ZNF333: variants seen among roughly 807,000 people sequenced by gnomAD.
ZNF333 encodes the protein zinc finger protein 333.
Under a neutral mutation model 76.1 loss-of-function variants are expected in ZNF333, and 61 were observed. That is an observed-to-expected ratio of 0.80 (90% confidence interval 0.65 to 0.99). The LOEUF (loss-of-function observed/expected upper bound fraction) is 0.99. Ranked by LOEUF, ZNF333 falls within the 50% of genes least tolerant of loss-of-function variation. ZNF333 has a pLI of 0.00. For synonymous variants in ZNF333, 284 were observed against 305.0 expected (o/e 0.93, Z 0.72); for missense variants, 717 against 822.4 (o/e 0.87, Z 1.57).
intron 4 of ZNF333, among the ~76,000 whole-genome samples, chr19:14,696,246 C>T (rs1973177425): frequency 6.6e-6 from 1 of 152,138 alleles, no homozygotes; most frequent in Non-Finnish European, 1.5e-5. Flanking sequence ...GTGTGCAGTT[C>T]AGTGGTTCAC....
At chr19:14,710,785 T>TA (rs1283539320) in intron 7 of ZNF333, among the ~76,000 whole-genome samples, 4 of 151,824 alleles carry the variant, frequency 2.6e-5, no homozygotes, top group Non-Finnish European at 2.9e-5. Context: ...TCTTAAAAAA[T>TA]AAAAAAATAA....
chr19:14,718,908 A>G lies in ZNF333; in HGVS notation c.1581A>G (p.Ile527Met), dbSNP rs2042519938. The change falls in exon 12 of 12, where the codon ATA becomes ATG. Residue 527 changes from isoleucine (I) to methionine (M), a missense_variant. Coordinates refer to ENST00000292530, the MANE Select transcript of ZNF333 (RefSeq NM_032433.4). ...TSTHLNVHKR[I>M]HTGEKLYECA... ...CTCATCTGAACGTGCACAAGAGGATACACACAGGGGAGAAACTGTATGAGT... is the reference window on the plus strand; with the variant it reads ...CTCATCTGAACGTGCACAAGAGGATGCACACAGGGGAGAAACTGTATGAGT... 1 of 1,614,094 alleles carries G rather than the reference A, an allele frequency of 6.2e-7. No homozygotes were observed. Among genetic ancestry groups the G allele is most frequent in the East Asian group, 2.2e-5 (1 of 44,886 alleles).
chr19:14,730,320 G>T (rs542587178), intron 11 of ZNF333, among the ~76,000 whole-genome samples: 1 of 152,108 alleles, frequency 6.6e-6, no homozygotes, highest in Non-Finnish European at 1.5e-5. Context: ...CTCCCAAAGT[G>T]CTGGGATTAC....
At chr19:14,713,350 C>T (rs1308566803) in intron 7 of ZNF333, among the ~76,000 whole-genome samples, 3 of 152,170 alleles carry the variant, frequency 2.0e-5, no homozygotes, top group Non-Finnish European at 4.4e-5. Context: ...AAGCTCTGAC[C>T]TCTGGACCTC....
Position 14,718,616 on chromosome 19 carries a change from C to G in ZNF333, c.1289C>G (p.Thr430Ser), listed in dbSNP as rs1317100039. 6.2e-7 allele frequency: 1 copy of G among 1,613,722 alleles called. No individual in the cohort carries two copies. The highest frequency in any genetic ancestry group is 1.3e-5 in the African/African-American group (1 of 74,910). ...KPFECSQCGK[T>S]FTRNFNLILH... ...TTTGAATGTAGTCAGTGTGGGAAAA[C>G]CTTCACGAGGAACTTTAACCTGATT... The change falls in exon 12 of 12, where the codon ACC (threonine) becomes AGC (serine). Residue 430 changes from threonine to serine, a missense_variant. By Grantham distance (58) the Thr-to-Ser change is moderately conservative. Transcript: ENST00000292530.
At chr19:14,712,573 C>T (rs1221572551) in intron 7 of ZNF333, among the ~76,000 whole-genome samples, 7 of 151,866 alleles carry the variant, frequency 4.6e-5, no homozygotes, top group Non-Finnish European at 1.0e-4. Context: ...ACCAAAAGTC[C>T]GAAATTAAGG....
At chr19:14,710,257 A>AC (rs1262418919) in intron 7 of ZNF333, among the ~76,000 whole-genome samples, 2 of 152,078 alleles carry the variant, frequency 1.3e-5, no homozygotes, top group Non-Finnish European at 2.9e-5. Flanking sequence ...ACAGAACCGC[A>AC]CCCCCCAGCC....
At chr19:14,726,765 A>C (rs766872903), downstream of ZNF333, among the ~76,000 whole-genome samples, 4 of 152,108 alleles carry the variant, frequency 2.6e-5, no homozygotes, top group Non-Finnish European at 5.9e-5. Flanking sequence ...TAAGTTCCTC[A>C]TCTGAGACCT....
chr19:14,691,224 C>G (rs1246062777), intron 1 of ZNF333, among the ~76,000 whole-genome samples: 2 of 152,176 alleles, frequency 1.3e-5, no homozygotes, highest in African/African-American at 2.4e-5. Flanking sequence ...TTAAGAAAAG[C>G]CGTTTCTCAG....
chr19:14,720,965 T>C lies in ZNF333; in HGVS notation c.*1640T>C, dbSNP rs1417949908. On this transcript the variant is annotated 3_prime_UTR_variant, in exon 12 of 12. Transcript: ENST00000292530. ...TGACATTTTTTACATTTCCAACAAA[T>C]TGTTACTTTTATTCTTATAAAGTGA... The C allele has an allele frequency of 3.3e-6, 3 of 911,750 alleles. No homozygotes were observed. In the East Asian group the frequency reaches 3.5e-4, roughly 107 times the overall value. 56.5% of individuals were successfully genotyped at this position (911,750 alleles called of 1,614,324 possible).
At chr19:14,731,438 C>T (rs1239793414) in exon 12 of ZNF333, 1 of 530,702 alleles carries the variant, frequency 1.9e-6, no homozygotes. Flanking sequence ...GAGACTAAGG[C>T]CTGTGTGGGT....
At chr19:14,717,444 G>T in intron 10 of ZNF333, 3 of 557,896 alleles carry the variant, frequency 5.4e-6, no homozygotes, top group Non-Finnish European at 3.2e-6. Flanking sequence ...TCCTTCCCAT[G>T]TTCCTCTGAT....
At chr19:14,696,855 G>A (rs992631456) in intron 4 of ZNF333, among the ~76,000 whole-genome samples, 15 of 149,456 alleles carry the variant, frequency 1.0e-4, no homozygotes, top group African/African-American at 3.7e-4. Flanking sequence ...TCTCCTGCCT[G>A]AGTCTCCTGA....
intron 7 of ZNF333, chr19:14,707,006 C>A (rs1229757154): frequency 1.1e-5 from 5 of 472,926 alleles, no homozygotes; most frequent in Non-Finnish European, 1.5e-5. Context: ...AAAGGCCAGA[C>A]CTCTCTTTGG....
Position 14,694,995 on chromosome 19 carries a change from T to C in ZNF333, c.4-15T>C. ...GGGTGGTATTTGCCGAGCCAGAATG[T>C]GTGTGCTGTTTTAGGAATCCGTCAC... On this transcript the variant is annotated splice_polypyrimidine_tract_variant and intron_variant, in intron 2 of 11. Coordinates refer to ENST00000292530, the MANE Select transcript of ZNF333 (RefSeq NM_032433.4). The C allele has an allele frequency of 6.2e-7, 1 of 1,614,150 alleles. No homozygotes were observed. Among genetic ancestry groups the C allele is most frequent in the South Asian group, 1.1e-5 (1 of 91,082 alleles).
chr19:14,725,817 T>G (rs1171643161), downstream of ZNF333, among the ~76,000 whole-genome samples: 1 of 152,196 alleles, frequency 6.6e-6, no homozygotes, highest in Non-Finnish European at 1.5e-5. Flanking sequence ...GCTGCTCTTA[T>G]GGGTTGGAGT....
Position 14,719,918 on chromosome 19 carries a change from G to C in ZNF333, c.*593G>C. Reference sequence around the variant, plus strand: ...TTCCATCTCCCGGCTGGGCACGGTGGCTCATGCCTCTAATCCCAGCACTTT... The same window carrying C: ...TTCCATCTCCCGGCTGGGCACGGTGCCTCATGCCTCTAATCCCAGCACTTT... On this transcript the variant is annotated 3_prime_UTR_variant, in exon 12 of 12. Coordinates refer to ENST00000292530, the MANE Select transcript of ZNF333 (RefSeq NM_032433.4). 1.0e-6 allele frequency: 1 copy of C among 985,622 alleles called. No homozygotes were observed. Among genetic ancestry groups the C allele is most frequent in the Non-Finnish European group, 1.2e-6 (1 of 830,126 alleles). The allele number at this position is 985,622 out of a possible 1,614,324, so 61.1% of individuals were successfully genotyped here.
rs1568527880 is a variant in ZNF333 at position 14,698,923 on chromosome 19, T to TAG, written c.224-275_224-274insGA. Reference sequence around the variant, plus strand: ...AGATATATATATATATATATATATATATATATATATATACACACATATATA... The same window carrying TAG: ...AGATATATATATATATATATATATATAGATATATATATATACACACATATATA... On this transcript the variant is annotated intron_variant, in intron 4 of 11. Transcript: ENST00000292530. Among the ~76,000 whole-genome samples, 12 of 73,804 alleles carry TAG rather than the reference T, an allele frequency of 1.6e-4. 2 individuals are homozygous for TAG. The highest frequency in any genetic ancestry group is 3.8e-4 in the African/African-American group (8 of 20,830). 48.4% of individuals were successfully genotyped at this position (73,804 alleles called of 152,430 possible).
At chr19:14,725,840 G>A (rs1003780834), downstream of ZNF333, among the ~76,000 whole-genome samples, 1 of 152,198 alleles carries the variant, frequency 6.6e-6, no homozygotes, top group African/African-American at 2.4e-5. Context: ...AGTGCCTGCA[G>A]GTTTTTCAGG....
Sources: allele counts gnomAD v4.1 joint callset (sites outside exome capture counted in the v4.1 genomes callset), GRCh38; gene constraint gnomAD v4.1.1; transcripts MANE v1.5; gene names NCBI Gene and HGNC (gene_info 2026-07-23, HGNC 2026-07-21).